The following NSUN7 variants were observed in gnomAD, a reference collection of about 807,000 sequenced individuals.
NSUN7 encodes protein NSUN7.
A neutral mutation model predicts 58.5 loss-of-function variants in NSUN7; 39 were observed. The ratio of observed to expected loss-of-function variants is 0.67; its 90% confidence interval spans 0.52 to 0.87. The LOEUF is 0.87. Ranked by LOEUF, NSUN7 falls within the 40% of genes least tolerant of loss-of-function variation. The pLI is 0.00. For synonymous variants in NSUN7, 278 were observed against 303.7 expected (o/e 0.92, Z 0.88); for missense variants, 765 against 844.1 (o/e 0.91, Z 1.16).
intron 4 of NSUN7, among the ~76,000 whole-genome samples, chr4:40,767,503 C>G (rs1036233056): frequency 6.6e-6 from 1 of 152,104 alleles, no homozygotes; most frequent in African/African-American, 2.4e-5. Flanking sequence ...TTACTTCCAA[C>G]TATGTGGTCA....
At chr4:40,763,851 A>G (rs1741577781) in intron 4 of NSUN7, among the ~76,000 whole-genome samples, 1 of 152,098 alleles carries the variant, frequency 6.6e-6, no homozygotes, top group South Asian at 2.1e-4. Flanking sequence ...TGCATTGCAA[A>G]TCTTATTGCT....
chr4:40,774,350 G>T lies in NSUN7; in HGVS notation c.574G>T (p.Val192Phe), dbSNP rs1560552458. 1 of 1,614,020 alleles carries T rather than the reference G, an allele frequency of 6.2e-7. No homozygotes were observed. The highest frequency in any genetic ancestry group is 8.5e-7 in the Non-Finnish European group (1 of 1,179,908). The change falls in exon 5 of 12, where the codon GTT becomes TTT. Residue 192 changes from valine (V) to phenylalanine (F), a missense_variant. Val to Phe is a conservative substitution (Grantham distance 50). Transcript: ENST00000381782. ...LSIYHILPET[V>F]RKQELRASTL... is the part of the protein sequence containing the mutation. ...AATTTACCACATCCTTCCAGAAACA[G>T]TTAGGAAACAGGAACTAAGGGCCTC...
intron 3 of NSUN7, among the ~76,000 whole-genome samples, chr4:40,760,734 G>A (rs918451275): frequency 2.6e-5 from 4 of 151,932 alleles, no homozygotes; most frequent in Non-Finnish European, 4.4e-5. Context: ...GGTGGCACAT[G>A]CCTGTAATCC....
chr4:40,764,889 T>C (rs1741640982), intron 4 of NSUN7, among the ~76,000 whole-genome samples: 2 of 152,188 alleles, frequency 1.3e-5, no homozygotes, highest in African/African-American at 4.8e-5. Context: ...TTTTGAGAAG[T>C]GTCTGTTCAT....
chr4:40,768,646 T>G (rs960423813), intron 4 of NSUN7, among the ~76,000 whole-genome samples: 1 of 152,214 alleles, frequency 6.6e-6, no homozygotes, highest in African/African-American at 2.4e-5. Context: ...AGCACCAACA[T>G]GTATCTTTTT....
At chr4:40,784,709 A>G (rs1742727447) in intron 7 of NSUN7, among the ~76,000 whole-genome samples, 1 of 152,224 alleles carries the variant, frequency 6.6e-6, no homozygotes, top group African/African-American at 2.4e-5. Flanking sequence ...GGTAATAGTG[A>G]TGGTTACACA....
At chr4:40,767,426 G>A (rs1047494800) in intron 4 of NSUN7, among the ~76,000 whole-genome samples, 7 of 152,210 alleles carry the variant, frequency 4.6e-5, no homozygotes, top group Non-Finnish European at 1.0e-4. Flanking sequence ...GTTCTAGTTT[G>A]ATTGCACTGT....
At chr4:40,790,792 A>G (rs1379668936) in intron 8 of NSUN7, 47 bp downstream of exon 8, 1 of 1,366,660 alleles carries the variant, frequency 7.3e-7, no homozygotes, top group Non-Finnish European at 1.0e-6. Flanking sequence ...GACAGTTTAA[A>G]ATATAAAATT....
chr4:40,788,961 T>C (rs1242171751), intron 7 of NSUN7, among the ~76,000 whole-genome samples: 1 of 152,208 alleles, frequency 6.6e-6, no homozygotes, highest in African/African-American at 2.4e-5. Flanking sequence ...TAGGAACTAC[T>C]GGGGAGCCAG....
At chr4:40,764,155 C>T (rs1259238785) in intron 4 of NSUN7, among the ~76,000 whole-genome samples, 3 of 150,626 alleles carry the variant, frequency 2.0e-5, no homozygotes, top group African/African-American at 4.9e-5. Context: ...TATACATGTG[C>T]CATGCTGGTG....
rs772987419 is a variant in NSUN7, at chr4:40,774,945, T to G, written c.820T>G (p.Phe274Val). ...IDLFKDYKLIFQDKSRSLAVH... is the reference protein window; with the variant it reads ...IDLFKDYKLIVQDKSRSLAVH... The stretch of plus-strand genomic sequence containing the variant: ...TCTTTTCAAAGATTACAAACTTATA[T>G]TTCAGGTAAACTAATATTTACTTTC... Residue 274 changes from phenylalanine to valine, a missense_variant, in exon 6 of 12, where the codon TTT becomes GTT. By Grantham distance (50) the Phe-to-Val change is conservative. Transcript: ENST00000381782. 9.0e-7 allele frequency: 1 copy of G among 1,105,584 alleles called. No homozygotes were observed. The highest frequency in any genetic ancestry group is 2.4e-5 in the East Asian group (1 of 41,286). The allele number at this position is 1,105,584 out of a possible 1,614,324, so 68.5% of individuals were successfully genotyped here.
chr4:40,760,857 C>T (rs1375897373), intron 3 of NSUN7, among the ~76,000 whole-genome samples: 2 of 138,844 alleles, frequency 1.4e-5, no homozygotes, highest in East Asian at 2.0e-4. Flanking sequence ...AGTGAAACTC[C>T]GTCTCAAAAA....
Position 40,798,812 on chromosome 4 carries a change from C to T in NSUN7, c.1308C>T (p.Tyr436=), listed in dbSNP as rs760516993. ...TTACTAAAGCTCAAGCAGTTGTTTA[C>T]TGCACATGTTCAGTTTTTCCAGAAG... ...MKFTKAQAVV[Y]CTCSVFPEEN... The change falls in exon 10 of 12, where the codon TAC becomes TAT. Residue 436 remains tyrosine (Y), a synonymous_variant. Transcript: ENST00000381782. The T allele has an allele frequency of 3.1e-6, 5 of 1,610,112 alleles. No individual in the cohort carries two copies. The Admixed American group carries it at 8.4e-5, about 27-fold the overall frequency.
chr4:40,782,684 C>T (rs1412313072), intron 7 of NSUN7, among the ~76,000 whole-genome samples: 4 of 151,788 alleles, frequency 2.6e-5, no homozygotes, highest in African/African-American at 7.3e-5. Flanking sequence ...AATCTGGCAA[C>T]GTAGCAAGAT....
chr4:40,797,092 C>G (rs1490374485), intron 9 of NSUN7, among the ~76,000 whole-genome samples: 1 of 152,162 alleles, frequency 6.6e-6, no homozygotes, highest in Non-Finnish European at 1.5e-5. Context: ...CGCTTCCTCT[C>G]CCTTCACACA....
rs1213273666 is a variant in NSUN7, at chr4:40,797,882, C to CCTCTG, written c.1283-899_1283-895dup. On this transcript the variant is annotated intron_variant, in intron 9 of 11. Coordinates refer to ENST00000381782, the MANE Select transcript of NSUN7 (RefSeq NM_024677.6). The stretch of plus-strand genomic sequence containing the variant: ...TCGACTTACTACTCTCTCTTCATTC[C>CCTCTG]CTCTGCTCTGATCAAACCGGCCCCT... 1.1e-4 allele frequency among the ~76,000 whole-genome samples: 16 copies of CCTCTG among 152,174 alleles called. No homozygotes were observed. The East Asian group carries it at 2.1e-3, about 20-fold the overall frequency.
chr4:40,786,264 C>A (rs1266271323), intron 7 of NSUN7: 2 of 1,613,624 alleles, frequency 1.2e-6, no homozygotes, highest in Non-Finnish European at 1.7e-6. Context: ...CCGTACCTAC[C>A]AAAGGATTTA....
intron 2 of NSUN7, among the ~76,000 whole-genome samples, chr4:40,753,295 T>C (rs74685535): frequency 6.6e-6 from 1 of 150,680 alleles, no homozygotes; most frequent in African/African-American, 2.5e-5. Context: ...TTTTTTTTTT[T>C]AGACAGAGTC....
At chr4:40,760,392 C>A (rs768126783) in intron 2 of NSUN7, 42 bp from the exon 3 acceptor site, 5 of 1,483,002 alleles carry the variant, frequency 3.4e-6, no homozygotes, top group Non-Finnish European at 4.7e-6. Flanking sequence ...TTTCATTTTC[C>A]GCTTTGTATT....
Sources: allele counts gnomAD v4.1 joint callset (sites outside exome capture counted in the v4.1 genomes callset), GRCh38; gene constraint gnomAD v4.1.1; transcripts MANE v1.5; gene names NCBI Gene and HGNC (gene_info 2026-07-23, HGNC 2026-07-21).